The following TNFSF4 variants were observed in gnomAD, a reference collection of about 807,000 sequenced individuals.
The protein encoded by TNFSF4 is TNF superfamily member 4.
TNFSF4 carries 4 observed loss-of-function variants against 7.3 expected under a neutral mutation model. The ratio of observed to expected loss-of-function variants is 0.55; its 90% confidence interval spans 0.27 to 1.25. The LOEUF is 1.25. TNFSF4 is among the 50% of genes most tolerant of loss of function. TNFSF4 has a pLI of 0.12. For synonymous variants in TNFSF4, 76 were observed against 83.7 expected, an observed-to-expected ratio of 0.91 and a Z score of 0.50; for missense variants, 181 against 208.8, an observed-to-expected ratio of 0.87 and a Z score of 0.82.
chr1:173,295,681 T>C, the TNFSF4 span, among the ~76,000 whole-genome samples: 5 of 152,018 alleles, frequency 3.3e-5, no homozygotes, highest in African/African-American at 1.2e-4. Flanking sequence ...GAAATTGACA[T>C]GGAAGCTCTG....
chr1:173,336,920 A>G, the TNFSF4 span, among the ~76,000 whole-genome samples: 1 of 145,376 alleles, frequency 6.9e-6, no homozygotes, highest in Admixed American at 6.8e-5. Flanking sequence ...AGGCCTCTAG[A>G]GTCTAGAGGC....
intron 1 of TNFSF4, among the ~76,000 whole-genome samples, chr1:173,200,192 G>A (rs1375919185): frequency 1.3e-5 from 2 of 152,178 alleles, no homozygotes; most frequent in African/African-American, 4.8e-5. Flanking sequence ...GTGGCCTCGT[G>A]GCCAGGCATA....
downstream of TNFSF4, among the ~76,000 whole-genome samples, chr1:173,182,060 T>G (rs1404294783): frequency 6.6e-6 from 1 of 152,200 alleles, no homozygotes; most frequent in Non-Finnish European, 1.5e-5. Context: ...ATTTGATATT[T>G]TAAAATGCTA....
the TNFSF4 span, among the ~76,000 whole-genome samples, chr1:173,250,605 G>A: frequency 2.0e-5 from 3 of 152,128 alleles, no homozygotes; most frequent in Middle Eastern, 3.4e-3. Context: ...GACTACAGGC[G>A]ACTGCCACCA....
At chr1:173,389,779 C>T in the TNFSF4 span, among the ~76,000 whole-genome samples, 1 of 152,174 alleles carries the variant, frequency 6.6e-6, no homozygotes, top group Non-Finnish European at 1.5e-5. Context: ...ATCTAATCTG[C>T]TCCATAACTC....
the TNFSF4 span, among the ~76,000 whole-genome samples, chr1:173,308,699 T>C: frequency 6.6e-6 from 1 of 151,876 alleles, no homozygotes; most frequent in African/African-American, 2.4e-5. Context: ...GGGCAGCTCA[T>C]CCCTGTTCCA....
chr1:173,193,307 T>G (rs1228154180), intron 1 of TNFSF4, among the ~76,000 whole-genome samples: 1 of 152,178 alleles, frequency 6.6e-6, no homozygotes, highest in African/African-American at 2.4e-5. Flanking sequence ...AGACTAAAGC[T>G]TCTTCAATCT....
At chr1:173,438,686 C>T in the TNFSF4 span, among the ~76,000 whole-genome samples, 1 of 152,138 alleles carries the variant, frequency 6.6e-6, no homozygotes, top group Admixed American at 6.5e-5. Flanking sequence ...GTGAGTCTTA[C>T]AATTCAAAGA....
upstream of TNFSF4, among the ~76,000 whole-genome samples, chr1:173,207,971 AAGAAGC>A (rs1650257738): frequency 6.6e-6 from 1 of 152,226 alleles, no homozygotes; most frequent in South Asian, 2.1e-4. Context: ...CATACCAGAA[AAGAAGC>A]AGAAGGGTAT....
the TNFSF4 span, among the ~76,000 whole-genome samples, chr1:173,331,342 T>G: frequency 6.6e-6 from 1 of 152,270 alleles, no homozygotes; most frequent in East Asian, 1.9e-4. Context: ...ATTTTGGTTT[T>G]CTTGGAAAAC....
chr1:173,243,878 C>A, the TNFSF4 span, among the ~76,000 whole-genome samples: 792 of 152,320 alleles, frequency 5.2e-3, 6 homozygotes, highest in African/African-American at 0.017. Flanking sequence ...TTGTCCCCAT[C>A]TACTTCACAA....
At chr1:173,433,294 G>T in the TNFSF4 span, among the ~76,000 whole-genome samples, 8 of 152,244 alleles carry the variant, frequency 5.3e-5, no homozygotes, top group South Asian at 6.2e-4. Context: ...CTCTTAATCT[G>T]AAATTTACTC....
the TNFSF4 span, among the ~76,000 whole-genome samples, chr1:173,341,559 A>C: frequency 2.0e-5 from 3 of 152,204 alleles, no homozygotes; most frequent in Non-Finnish European, 4.4e-5. Flanking sequence ...GACATAATTA[A>C]ATCTCAGCTT....
chr1:173,274,987 T>C, the TNFSF4 span, among the ~76,000 whole-genome samples: 1 of 152,122 alleles, frequency 6.6e-6, no homozygotes, highest in African/African-American at 2.4e-5. Context: ...TATTTTGCTA[T>C]AGCGTCATTT....
the TNFSF4 span, among the ~76,000 whole-genome samples, chr1:173,402,855 T>C: frequency 4.1e-5 from 6 of 146,628 alleles, no homozygotes; most frequent in Non-Finnish European, 9.2e-5. Context: ...GAATTTGCAT[T>C]TTTTTTTTTT....
At chr1:173,255,804 T>C in the TNFSF4 span, among the ~76,000 whole-genome samples, 1 of 152,240 alleles carries the variant, frequency 6.6e-6, no homozygotes, top group Admixed American at 6.5e-5. Flanking sequence ...TCACAATCTG[T>C]CTGTTTTTAT....
chr1:173,205,538 G>C, intron 1 of TNFSF4: 1 of 1,354,574 alleles, frequency 7.4e-7, no homozygotes, highest in Non-Finnish European at 9.5e-7. Flanking sequence ...GCCTTGAATG[G>C]AGCCATGTGT....
the TNFSF4 span, among the ~76,000 whole-genome samples, chr1:173,311,649 G>A: frequency 1.3e-5 from 2 of 152,024 alleles, no homozygotes; most frequent in African/African-American, 4.8e-5. Context: ...CACTGGGGTC[G>A]TAGGGTAAGG....
the TNFSF4 span, among the ~76,000 whole-genome samples, chr1:173,416,638 T>TATTTATTTATTTATTATTTTTTGAGA: frequency 3.8e-4 from 42 of 110,142 alleles, no homozygotes; most frequent in Non-Finnish European, 6.0e-4. Context: ...ATTTATTTTT[T>TATTTATTTATTTATTATTTTTTGAGA]GAGAGAGAGA....
Sources: allele counts gnomAD v4.1 joint callset (sites outside exome capture counted in the v4.1 genomes callset), GRCh38; gene constraint gnomAD v4.1.1; transcripts MANE v1.5; gene names NCBI Gene and HGNC (gene_info 2026-07-23, HGNC 2026-07-21).